The following COA1 variants were observed in gnomAD, a reference collection of about 807,000 sequenced individuals.
COA1 encodes cytochrome c oxidase assembly factor 1 homolog.
COA1 carries 13 observed loss-of-function variants against 16.0 expected under a neutral mutation model. The ratio of observed to expected loss-of-function variants is 0.81; its 90% confidence interval spans 0.53 to 1.29. COA1 has a LOEUF of 1.29. Ranked by LOEUF, COA1 falls within the 50% of genes most tolerant of loss-of-function variation. The pLI is 0.00. For missense variants in COA1, 179 were observed against 177.0 expected, an observed-to-expected ratio of 1.01 and a Z score of -0.06; for synonymous variants, 65 against 65.7, an observed-to-expected ratio of 0.99 and a Z score of 0.05.
chr7:43,693,198 G>A (rs2094430625), intron 1 of COA1, among the ~76,000 whole-genome samples: 1 of 152,046 alleles, frequency 6.6e-6, no homozygotes, highest in African/African-American at 2.4e-5. Flanking sequence ...GTTTCTCACT[G>A]CCATTTCCAA....
intron 6 of COA1, among the ~76,000 whole-genome samples, chr7:43,621,070 A>C (rs2083839122): frequency 6.6e-6 from 1 of 152,214 alleles, no homozygotes; most frequent in Non-Finnish European, 1.5e-5. Context: ...AGCTATCCGG[A>C]GCACAGAAAG....
chr7:43,619,120 T>TC (rs1432694692), intron 6 of COA1, among the ~76,000 whole-genome samples: 1 of 152,204 alleles, frequency 6.6e-6, no homozygotes, highest in African/African-American at 2.4e-5. Flanking sequence ...TGCAAAATAG[T>TC]CCCTGAAAGA....
At chr7:43,708,812 T>C (rs2095101731) in intron 1 of COA1, among the ~76,000 whole-genome samples, 1 of 152,150 alleles carries the variant, frequency 6.6e-6, no homozygotes, top group African/African-American at 2.4e-5. Flanking sequence ...CCATATCCTA[T>C]ACATAATCCC....
chr7:43,691,059 A>AT (rs1241762840), intron 1 of COA1, among the ~76,000 whole-genome samples: 2 of 126,810 alleles, frequency 1.6e-5, no homozygotes, highest in Non-Finnish European at 3.2e-5. Context: ...CACTACAAAA[A>AT]AAAAAAAAAA....
chr7:43,614,162 A>G (rs562448976), intron 6 of COA1, among the ~76,000 whole-genome samples: 3 of 152,146 alleles, frequency 2.0e-5, no homozygotes, highest in Non-Finnish European at 2.9e-5. Context: ...TTAGCCGCCA[A>G]ATCTTCTCCA....
intron 6 of COA1, among the ~76,000 whole-genome samples, chr7:43,620,870 G>C (rs10247197): frequency 6.6e-6 from 1 of 152,046 alleles, no homozygotes; most frequent in African/African-American, 2.4e-5. Flanking sequence ...GAGAAGAGGA[G>C]GGCGGCCGTG....
intron 1 of COA1, 150 bp downstream of exon 1, chr7:43,729,279 C>G (rs1251386118): frequency 2.0e-5 from 3 of 152,292 alleles, no homozygotes; most frequent in African/African-American, 7.2e-5. Flanking sequence ...GGCCGCGACC[C>G]GGCGCCGGCG....
At chr7:43,658,133 T>C (rs2091993802) in intron 1 of COA1, among the ~76,000 whole-genome samples, 1 of 152,038 alleles carries the variant, frequency 6.6e-6, no homozygotes, top group African/African-American at 2.4e-5. Context: ...TCCCAGCACT[T>C]TGGGAGGCCG....
At chr7:43,693,986 T>TC (rs2094452521) in intron 1 of COA1, among the ~76,000 whole-genome samples, 1 of 151,792 alleles carries the variant, frequency 6.6e-6, no homozygotes, top group African/African-American at 2.4e-5. Flanking sequence ...TCTGCTTTCC[T>TC]CAGGCTCAGC....
At chr7:43,687,313 A>T (rs150760539) in intron 1 of COA1, among the ~76,000 whole-genome samples, 1 of 152,248 alleles carries the variant, frequency 6.6e-6, no homozygotes, top group Admixed American at 6.5e-5. Flanking sequence ...CATTACTATC[A>T]GACAAGAAAA....
At chr7:43,684,394 G>A (rs1056867280) in intron 1 of COA1, among the ~76,000 whole-genome samples, 1 of 152,194 alleles carries the variant, frequency 6.6e-6, no homozygotes, top group Non-Finnish European at 1.5e-5. Context: ...TGTAGCCTGA[G>A]CTTTCTTCAC....
chr7:43,646,755 C>A (rs891674936), intron 3 of COA1: 3 of 386,406 alleles, frequency 7.8e-6, no homozygotes, highest in African/African-American at 6.2e-5. Context: ...TGCAACTCCA[C>A]CAACTCTGCA....
At chr7:43,691,417 AAGAAAAAG>A (rs1259952466) in intron 1 of COA1, among the ~76,000 whole-genome samples, 25 of 103,014 alleles carry the variant, frequency 2.4e-4, no homozygotes, top group Admixed American at 8.2e-4. Flanking sequence ...GGAAGGAAGA[AAGAAAAAG>A]AAAGAAAGAA....
chr7:43,632,588 C>A (rs2085289607), intron 6 of COA1: 1 of 152,220 alleles, frequency 6.6e-6, no homozygotes, highest in Admixed American at 6.5e-5. Flanking sequence ...AAAAGTACTT[C>A]TTGATCTATC....
intron 1 of COA1, among the ~76,000 whole-genome samples, chr7:43,710,118 G>A (rs12669918): frequency 0.082 from 12,503 of 151,918 alleles, 609 homozygotes; most frequent in East Asian, 0.19. Flanking sequence ...GGGAGGCTGA[G>A]GCAGGCGGAT....
intron 1 of COA1, among the ~76,000 whole-genome samples, chr7:43,678,761 C>G (rs1156552090): frequency 6.6e-6 from 1 of 152,122 alleles, no homozygotes; most frequent in Non-Finnish European, 1.5e-5. Context: ...GACACCACTA[C>G]TTCACACCCA....
At chr7:43,625,553 C>T (rs930850659) in intron 6 of COA1, 1 of 152,242 alleles carries the variant, frequency 6.6e-6, no homozygotes, top group African/African-American at 2.4e-5. Flanking sequence ...CTGCTTCCCT[C>T]ATCACACCAC....
chr7:43,644,696 TATAG>T (rs1241329934), intron 4 of COA1, among the ~76,000 whole-genome samples: 16 of 102,230 alleles, frequency 1.6e-4, no homozygotes, highest in African/African-American at 6.7e-4. Context: ...CTGGCTAAAT[TATAG>T]ATAGATAGAT....
At chr7:43,710,375 A>AAAAAATAT (rs761592421) in intron 1 of COA1, among the ~76,000 whole-genome samples, 10 of 36,446 alleles carry the variant, frequency 2.7e-4, no homozygotes, top group African/African-American at 3.9e-4. Context: ...AAAAAAAAAA[A>AAAAAATAT]ATATATATAT....
Sources: allele counts gnomAD v4.1 joint callset (sites outside exome capture counted in the v4.1 genomes callset), GRCh38; gene constraint gnomAD v4.1.1; transcripts MANE v1.5; gene names NCBI Gene and HGNC (gene_info 2026-07-23, HGNC 2026-07-21).